Variants in HYAL4 observed in about 807,000 individuals in gnomAD.
The protein encoded by HYAL4 is hyaluronidase 4, also known as hyaluronidase-4.
HYAL4 carries 37 observed loss-of-function variants against 35.2 expected under a neutral mutation model. That is an observed-to-expected ratio of 1.05 (90% CI 0.81 to 1.38). The LOEUF (loss-of-function observed/expected upper bound fraction) is 1.38. HYAL4 is among the 40% of genes most tolerant of loss of function. The pLI, the probability that HYAL4 is intolerant of heterozygous loss-of-function variation, is 0.00. For missense variants in HYAL4, 572 were observed against 572.4 expected (o/e 1.00, Z 0.01); for synonymous variants, 198 against 203.2 (o/e 0.97, Z 0.22).
chr7:123,822,760 C>T, the HYAL4 span, among the ~76,000 whole-genome samples: 1 of 151,990 alleles, frequency 6.6e-6, no homozygotes, highest in African/African-American at 2.4e-5. Context: ...GGAGTTCAAA[C>T]CCAGCCTTGG....
At chr7:123,794,099 G>C in the HYAL4 span, among the ~76,000 whole-genome samples, 1 of 152,176 alleles carries the variant, frequency 6.6e-6, no homozygotes, top group South Asian at 2.1e-4. Context: ...GAACTTTTTG[G>C]GAACTGGAGC....
At chr7:123,792,063 T>G in the HYAL4 span, among the ~76,000 whole-genome samples, 1 of 152,144 alleles carries the variant, frequency 6.6e-6, no homozygotes, top group African/African-American at 2.4e-5. Context: ...ATGAGCCCTA[T>G]GAACTCTCAC....
chr7:123,877,022 A>G lies in HYAL4; in HGVS notation c.1313A>G (p.Tyr438Cys), dbSNP rs1807045736. 2 of 1,614,230 alleles carry G rather than the reference A, an allele frequency of 1.2e-6. No individual in the cohort carries two copies. Among genetic ancestry groups the G allele is most frequent in the East Asian group, 2.2e-5 (1 of 44,890 alleles). Residue 438 changes from tyrosine to cysteine, a missense_variant, in exon 5 of 5, where the codon TAT becomes TGT. By Grantham distance (194) the Tyr-to-Cys change is radical. Coordinates refer to ENST00000223026, the MANE Select transcript of HYAL4 (RefSeq NM_012269.3). Reference protein sequence around the residue: ...VMADTFSCHCYQGYEGADCRE... With the variant: ...VMADTFSCHCCQGYEGADCRE... ...GCAGATACATTTTCCTGTCATTGTT[A>G]TCAGGGATATGAAGGAGCTGATTGC... is the stretch of plus-strand genomic sequence containing the variant.
the HYAL4 span, among the ~76,000 whole-genome samples, chr7:123,819,062 T>C: frequency 6.6e-6 from 1 of 152,186 alleles, no homozygotes; most frequent in Non-Finnish European, 1.5e-5. Context: ...TAATTATGTA[T>C]TCTTTAACCA....
intron 1 of HYAL4, among the ~76,000 whole-genome samples, chr7:123,831,947 C>A (rs1805889250): frequency 6.6e-6 from 1 of 152,022 alleles, no homozygotes; most frequent in Admixed American, 6.6e-5. Context: ...GATGAGCAGC[C>A]TTTCCTTTTT....
At chr7:123,823,239 G>A in the HYAL4 span, among the ~76,000 whole-genome samples, 2 of 152,104 alleles carry the variant, frequency 1.3e-5, no homozygotes, top group South Asian at 2.1e-4. Flanking sequence ...TTCTGTTTAT[G>A]TGGTATATCA....
chr7:123,767,973 A>T, the HYAL4 span, among the ~76,000 whole-genome samples: 1 of 152,206 alleles, frequency 6.6e-6, no homozygotes, highest in Non-Finnish European at 1.5e-5. Flanking sequence ...ATTATGTCCC[A>T]TGCAACCTTT....
chr7:123,839,400 G>C (rs548908153), intron 1 of HYAL4, among the ~76,000 whole-genome samples: 5 of 152,226 alleles, frequency 3.3e-5, no homozygotes, highest in Admixed American at 3.3e-4. Flanking sequence ...TGGACATTTG[G>C]GTTAGTTCCA....
chr7:123,853,585 T>C (rs770182210), intron 2 of HYAL4, among the ~76,000 whole-genome samples: 2 of 152,178 alleles, frequency 1.3e-5, no homozygotes, highest in Non-Finnish European at 2.9e-5. Flanking sequence ...GCCAACTTGA[T>C]TGTGGTAGAT....
chr7:123,873,908 A>T (rs1033459440), intron 3 of HYAL4, among the ~76,000 whole-genome samples: 15 of 152,192 alleles, frequency 9.9e-5, no homozygotes, highest in Non-Finnish European at 1.5e-4. Flanking sequence ...GAAATTAAAC[A>T]CACATAATTT....
the HYAL4 span, among the ~76,000 whole-genome samples, chr7:123,778,179 A>ATCTG: frequency 6.6e-6 from 1 of 151,718 alleles, no homozygotes; most frequent in East Asian, 1.9e-4. Context: ...CTATCTATCT[A>ATCTG]TCTATCTATC....
intron 2 of HYAL4, among the ~76,000 whole-genome samples, chr7:123,851,942 G>A (rs1056529753): frequency 2.6e-5 from 4 of 152,206 alleles, no homozygotes; most frequent in African/African-American, 9.6e-5. Flanking sequence ...CCTAACTGGT[G>A]TGAGATGGTA....
upstream of HYAL4, among the ~76,000 whole-genome samples, chr7:123,844,001 A>G (rs191470194): frequency 2.8e-3 from 426 of 152,068 alleles, 3 homozygotes; most frequent in Middle Eastern, 0.014. Flanking sequence ...ACTTCTGTCA[A>G]CTCATCAAAG....
At chr7:123,795,418 C>T in the HYAL4 span, among the ~76,000 whole-genome samples, 1 of 152,150 alleles carries the variant, frequency 6.6e-6, no homozygotes, top group African/African-American at 2.4e-5. Context: ...TATGGTTTGG[C>T]TGTGTCCTCA....
rs546060252 is a variant in HYAL4, at chr7:123,857,234, A to G, written c.-52+9076A>G. On this transcript the variant is annotated intron_variant, in intron 2 of 4. Coordinates refer to ENST00000223026, the MANE Select transcript of HYAL4 (RefSeq NM_012269.3). ...TGTTCCAGGTGCCACTGGGGTACAA[A>G]AAAACCTCCTGGAGCTAGCTTGGTG... Among the ~76,000 whole-genome samples, 8 of 152,228 alleles carry G rather than the reference A, an allele frequency of 5.3e-5. No homozygotes were observed. The South Asian group carries it at 1.5e-3, about 28-fold the overall frequency.
At chr7:123,865,300 G>T (rs918858155) in intron 2 of HYAL4, among the ~76,000 whole-genome samples, 1 of 152,058 alleles carries the variant, frequency 6.6e-6, no homozygotes, top group Non-Finnish European at 1.5e-5. Flanking sequence ...TTAAAGAAAA[G>T]CTTCTTCCCC....
At chr7:123,845,860 C>T (rs1386097220) in intron 1 of HYAL4, among the ~76,000 whole-genome samples, 175 bp downstream of exon 1, 1 of 152,200 alleles carries the variant, frequency 6.6e-6, no homozygotes, top group East Asian at 1.9e-4. Context: ...CTGTAGTATT[C>T]TCCCCCTTTT....
At chr7:123,853,559 G>C (rs1056615312) in intron 2 of HYAL4, among the ~76,000 whole-genome samples, 2 of 152,180 alleles carry the variant, frequency 1.3e-5, no homozygotes, top group African/African-American at 2.4e-5. Context: ...AACCACTCTT[G>C]CATCTCAGGG....
intron 2 of HYAL4, among the ~76,000 whole-genome samples, chr7:123,866,944 C>G (rs537980241): frequency 2.6e-5 from 4 of 152,142 alleles, no homozygotes; most frequent in Non-Finnish European, 4.4e-5. Flanking sequence ...GCATGTGCCA[C>G]CACGCCAAGC....
Sources: allele counts gnomAD v4.1 joint callset (sites outside exome capture counted in the v4.1 genomes callset), GRCh38; gene constraint gnomAD v4.1.1; transcripts MANE v1.5; gene names NCBI Gene and HGNC (gene_info 2026-07-23, HGNC 2026-07-21).